Variants in USP22 observed in about 807,000 individuals in gnomAD.
The protein encoded by USP22 is ubiquitin carboxyl-terminal hydrolase 22.
Under a neutral mutation model 68.1 loss-of-function variants are expected in USP22, and 22 were observed. The observed-to-expected ratio is 0.32, with a 90% CI of 0.23 to 0.46. The LOEUF is 0.46. Among genes scored for constraint, USP22 ranks in the 20% least tolerant of loss-of-function variants. USP22 has a pLI of 1.00. For synonymous variants in USP22, 279 were observed against 274.2 expected (o/e 1.02, Z -0.17); for missense variants, 433 against 695.8 (o/e 0.62, Z 4.25).
intron 3 of USP22, among the ~76,000 whole-genome samples, chr17:21,020,257 A>AAAAAAAAAAAAAAAAG (rs1972138271): frequency 6.7e-6 from 1 of 148,484 alleles, no homozygotes. Context: ...AAAAAAAAAA[A>AAAAAAAAAAAAAAAAG]AAAAAAAAAA....
At chr17:21,003,921 AAAG>A (rs1221191379) in intron 12 of USP22, among the ~76,000 whole-genome samples, 1 of 151,896 alleles carries the variant, frequency 6.6e-6, no homozygotes, top group African/African-American at 2.4e-5. Flanking sequence ...AAAAAAAAAA[AAAG>A]AACTGATGTG....
chr17:21,016,858 A>G (rs1972089147), intron 5 of USP22, among the ~76,000 whole-genome samples: 1 of 152,204 alleles, frequency 6.6e-6, no homozygotes, highest in South Asian at 2.1e-4. Flanking sequence ...ACAACTATGC[A>G]TTCGTCGAAA....
At chr17:21,042,408 G>A (rs1972448623) in intron 1 of USP22, 2 of 278,928 alleles carry the variant, frequency 7.2e-6, no homozygotes, top group Non-Finnish European at 1.3e-5. Context: ...AGGAGGGGGA[G>A]GGAAAGGAAG....
chr17:21,021,706 G>T (rs889275407), intron 2 of USP22, among the ~76,000 whole-genome samples: 1 of 152,162 alleles, frequency 6.6e-6, no homozygotes, highest in Admixed American at 6.5e-5. Context: ...AGTACAGGGG[G>T]AAAATAGTTT....
chr17:21,023,584 G>A (rs1355294717), intron 2 of USP22, among the ~76,000 whole-genome samples: 1 of 140,590 alleles, frequency 7.1e-6, no homozygotes, highest in Non-Finnish European at 1.6e-5. Flanking sequence ...GGCAGAGGCT[G>A]CAGTGAGCCA....
intron 12 of USP22, among the ~76,000 whole-genome samples, chr17:21,003,289 C>T (rs1913655694): frequency 1.3e-5 from 2 of 152,198 alleles, no homozygotes; most frequent in Admixed American, 6.5e-5. Flanking sequence ...CCACCACCCC[C>T]ACCTGCCACG....
chr17:21,004,784 C>G, intron 11 of USP22, 144 bp downstream of exon 11: 1 of 146,920 alleles, frequency 6.8e-6, no homozygotes, highest in Non-Finnish European at 1.3e-5. Flanking sequence ...GAGCTGCGGG[C>G]AGCCAATAGT....
chr17:21,037,447 A>G (rs1314995326), intron 1 of USP22, among the ~76,000 whole-genome samples: 1 of 152,206 alleles, frequency 6.6e-6, no homozygotes, highest in Non-Finnish European at 1.5e-5. Flanking sequence ...TCTTGACAGC[A>G]TCATCCTTAA....
chr17:21,011,121 G>T, intron 8 of USP22, 30 bp downstream of exon 8: 1 of 1,550,866 alleles, frequency 6.4e-7, no homozygotes. Flanking sequence ...CAGGAGACAC[G>T]CCCCCGCCGT....
At chr17:21,030,590 TGGC>T (rs1972277788) in intron 1 of USP22, among the ~76,000 whole-genome samples, 1 of 152,314 alleles carries the variant, frequency 6.6e-6, no homozygotes, top group Admixed American at 6.5e-5. Context: ...GAGAACAACA[TGGC>T]GGCGCCTGTG....
Position 21,004,912 on chromosome 17 carries a change from G to C in USP22, c.1385+16C>G. ...GCCAGAGGCCCTGGACACCCACACC[G>C]CTAAGCACCACTTACTTGTTGTCAT... On this transcript the variant is annotated intron_variant, in intron 11 of 12. Transcript: ENST00000261497. 6.2e-7 allele frequency: 1 copy of C among 1,613,888 alleles called. No individual in the cohort carries two copies. The highest frequency in any genetic ancestry group is 8.5e-7 in the Non-Finnish European group (1 of 1,179,846).
At chr17:21,028,778 A>G in intron 1 of USP22, 104 bp from the exon 2 acceptor site, 1 of 1,398,708 alleles carries the variant, frequency 7.1e-7, no homozygotes, top group Non-Finnish European at 9.5e-7. Context: ...ACTGGAAGAA[A>G]GGACAGGGAA....
At position 21,042,864 on chromosome 17, in the gene USP22, G is replaced by T; in HGVS notation, c.-29C>A. ...GGGCAAGGCCCGGCCGCGCGCGGGGGGCGGCGGCGAGGGAGGCGAGGACGA... is the reference window on the plus strand; with the variant it reads ...GGGCAAGGCCCGGCCGCGCGCGGGGTGCGGCGGCGAGGGAGGCGAGGACGA... On this transcript the variant is annotated 5_prime_UTR_variant, in exon 1 of 13. Transcript: ENST00000261497. 1.6e-6 allele frequency: 2 copies of T among 1,238,848 alleles called. No individual in the cohort carries two copies. The highest frequency in any genetic ancestry group is 2.0e-6 in the Non-Finnish European group (2 of 989,528). 76.7% of individuals were successfully genotyped at this position (1,238,848 alleles called of 1,614,324 possible). A position where few individuals can be genotyped will look rare whatever the true frequency, so the allele number is the denominator to read the frequency against.
chr17:21,019,726 G>C (rs769209340), intron 3 of USP22, among the ~76,000 whole-genome samples: 2 of 152,202 alleles, frequency 1.3e-5, no homozygotes, highest in African/African-American at 4.8e-5. Flanking sequence ...CACCCTATGC[G>C]CTCAGAAGTA....
At position 20,999,882 on chromosome 17, in the gene USP22, G is replaced by A. The variant is rs1406581113; in HGVS notation, c.*3149C>T. ...ATAGCACTCAGGTCTATATGTTGCA[G>A]TGGTGCTGGCGCTGGAGGGAATGCC... is the stretch of plus-strand genomic sequence containing the variant. On this transcript the variant is annotated 3_prime_UTR_variant, in exon 13 of 13. Transcript: ENST00000261497. 1.3e-5 allele frequency: 2 copies of A among 152,262 alleles called. No homozygotes were observed. The highest frequency in any genetic ancestry group is 2.9e-5 in the Non-Finnish European group (2 of 68,072). The allele number at this position is 152,262 out of a possible 1,614,324, so 9.4% of individuals were successfully genotyped here. A position where few individuals can be genotyped will look rare whatever the true frequency, so the allele number is the denominator to read the frequency against.
intron 4 of USP22, chr17:21,018,313 C>A: frequency 4.1e-6 from 2 of 490,002 alleles, no homozygotes; most frequent in Admixed American, 3.8e-5. Flanking sequence ...CCACCATGGA[C>A]CCCTCCCACT....
chr17:21,012,898 G>A lies in USP22; in HGVS notation c.876C>T (p.His292=). 1.2e-6 allele frequency: 2 copies of A among 1,613,920 alleles called. No individual in the cohort carries two copies. Among genetic ancestry groups the A allele is most frequent in the Non-Finnish European group, 1.7e-6 (2 of 1,179,998 alleles). The part of the protein sequence containing the change: ...DNGKKANNPN[H]CNCIIDQIFT... The stretch of plus-strand genomic sequence containing the variant: ...AGATCTGGTCTATGATGCAGTTGCA[G>A]TGGTTGGGGTTGTTGGCCTTCTTCC... The change falls in exon 7 of 13, where the codon CAC becomes CAT. Residue 292 remains histidine (H), a synonymous_variant. Transcript: ENST00000261497.
At chr17:21,010,842 G>T (rs1202550751) in intron 8 of USP22, among the ~76,000 whole-genome samples, 2 of 152,154 alleles carry the variant, frequency 1.3e-5, no homozygotes, top group African/African-American at 4.8e-5. Context: ...CACACTCCGG[G>T]GTAGGTGATT....
rs1442645721 is a variant in USP22 at position 21,015,956 on chromosome 17, G to A, written c.691-57C>T. On this transcript the variant is annotated intron_variant, in intron 5 of 12. Transcript: ENST00000261497. ...GGAATAAATGTAGACTCTGAACACA[G>A]AGTACACACAATCAAAACCTTTATC... 5 of 1,573,168 alleles carry A rather than the reference G, an allele frequency of 3.2e-6. No homozygotes were observed. In the African/African-American group the frequency reaches 5.4e-5, roughly 17 times the overall value.
Sources: gnomAD v4.1 joint callset for allele counts (sites outside exome capture counted in the v4.1 genomes callset) on GRCh38, gnomAD v4.1.1 for gene constraint, MANE v1.5 for transcripts, NCBI Gene and HGNC (gene_info 2026-07-23, HGNC 2026-07-21) for gene names.